The following PMEPA1 variants were observed in gnomAD, a reference collection of about 807,000 sequenced individuals.
PMEPA1 encodes prostate transmembrane protein, androgen induced 1.
A neutral mutation model predicts 23.0 loss-of-function variants in PMEPA1; 11 were observed. That is an observed-to-expected ratio of 0.48 (90% CI 0.30 to 0.79). The LOEUF (loss-of-function observed/expected upper bound fraction) is 0.79. PMEPA1 is among the 30% of genes least tolerant of loss of function. The pLI, the probability that PMEPA1 is intolerant of heterozygous loss-of-function variation, is 0.06. For synonymous variants in PMEPA1, 204 were observed against 166.4 expected, an observed-to-expected ratio of 1.23 and a Z score of -1.74; for missense variants, 377 against 390.9, an observed-to-expected ratio of 0.96 and a Z score of 0.30.
chr20:57,684,240 T>A (rs1459757139), intron 1 of PMEPA1, among the ~76,000 whole-genome samples: 1 of 151,132 alleles, frequency 6.6e-6, no homozygotes, highest in African/African-American at 2.4e-5. Context: ...TTGCAGCAGG[T>A]CAATGGTAAT....
chr20:57,663,182 C>G (rs143575105), intron 1 of PMEPA1, among the ~76,000 whole-genome samples: 12 of 152,322 alleles, frequency 7.9e-5, no homozygotes, highest in African/African-American at 2.9e-4. Context: ...GAGAAAAACT[C>G]TCTAGAAAAG....
chr20:57,649,533 C>T lies in PMEPA1; in HGVS notation c.*2520G>A, dbSNP rs1020022268. The T allele has an allele frequency of 1.3e-5, 2 of 152,258 alleles. No homozygotes were observed. Among genetic ancestry groups the T allele is most frequent in the Admixed American group, 1.3e-4 (2 of 15,286 alleles). The allele number at this position is 152,258 out of a possible 1,614,324, so 9.4% of individuals were successfully genotyped here. On this transcript the variant is annotated 3_prime_UTR_variant, in exon 4 of 4. Transcript: ENST00000341744. ...TCACGCAAAGCCATTCCCACAAATC[C>T]AGACCATACCATGAAGCAACGAGAC...
rs2071330602 is a variant in PMEPA1, at chr20:57,656,636, C to A, written c.264+2907G>T. Among the ~76,000 whole-genome samples, 1 of 152,180 alleles carries A rather than the reference C, an allele frequency of 6.6e-6. No homozygotes were observed. Among genetic ancestry groups the A allele is most frequent in the Admixed American group, 6.5e-5 (1 of 15,294 alleles). ...GGCTTGCCTGCACTGGAGCCTCACC[C>A]TCAGAGGGCAGATCCTTGCCCAGTG... is the stretch of plus-strand genomic sequence containing the variant. On this transcript the variant is annotated intron_variant, in intron 2 of 3. Transcript: ENST00000341744. The surrounding 1 kb of genome is among the most constrained non-coding windows in gnomAD (Gnocchi z 4.7).
At chr20:57,691,571 T>C (rs2071882471) in intron 1 of PMEPA1, among the ~76,000 whole-genome samples, 1 of 152,126 alleles carries the variant, frequency 6.6e-6, no homozygotes, top group South Asian at 2.1e-4. Flanking sequence ...CAAAACTCCT[T>C]TCCTGCTTCC....
rs2071269897 is a variant in PMEPA1, at chr20:57,652,792, C to T, written c.319-194G>A. Reference sequence around the variant, plus strand: ...TGGCCTGGGGGGCAGCACTGCAGAGCTGCACCGCCCTCCTCCAAACAGTGG... The same window carrying T: ...TGGCCTGGGGGGCAGCACTGCAGAGTTGCACCGCCCTCCTCCAAACAGTGG... On this transcript the variant is annotated intron_variant, in intron 3 of 3. Coordinates refer to ENST00000341744, the MANE Select transcript of PMEPA1 (RefSeq NM_020182.5). This position sits in a 1 kb window ranked among gnomAD's most constrained non-coding sequence, Gnocchi z 6.1. 6.6e-6 allele frequency among the ~76,000 whole-genome samples: 1 copy of T among 152,166 alleles called. No homozygotes were observed. The highest frequency in any genetic ancestry group is 1.5e-5 in the Non-Finnish European group (1 of 68,014).
chr20:57,679,895 G>C (rs1038464597), intron 1 of PMEPA1, among the ~76,000 whole-genome samples: 1 of 152,242 alleles, frequency 6.6e-6, no homozygotes, highest in African/African-American at 2.4e-5. Flanking sequence ...GGGCCAGAGA[G>C]GGGGAGGGAG....
At chr20:57,694,138 A>G (rs886671272) in intron 1 of PMEPA1, among the ~76,000 whole-genome samples, 1 of 152,158 alleles carries the variant, frequency 6.6e-6, no homozygotes, top group African/African-American at 2.4e-5. Flanking sequence ...ACCTTCAAAT[A>G]GCTGGGTGAC....
chr20:57,662,776 T>C (rs577057428), intron 1 of PMEPA1, among the ~76,000 whole-genome samples: 1 of 150,640 alleles, frequency 6.6e-6, no homozygotes, highest in African/African-American at 2.4e-5. Flanking sequence ...AGTTCCCCCT[T>C]CCCCAGCTGT....
intron 1 of PMEPA1, among the ~76,000 whole-genome samples, chr20:57,679,250 T>C (rs751628528): frequency 1.4e-4 from 21 of 152,198 alleles, no homozygotes; most frequent in Non-Finnish European, 2.4e-4. Flanking sequence ...GCAAATGCCC[T>C]GAGGTAGGAA....
intron 2 of PMEPA1, among the ~76,000 whole-genome samples, chr20:57,659,150 A>G (rs774235803): frequency 6.7e-6 from 1 of 149,024 alleles, no homozygotes; most frequent in Non-Finnish European, 1.5e-5. Context: ...CATCTCCTGC[A>G]TGGCGCTATC....
At position 57,682,570 on chromosome 20, in the gene PMEPA1, C is replaced by T. The variant is rs906205791; in HGVS notation, c.110-22873G>A. On this transcript the variant is annotated intron_variant, in intron 1 of 3. Coordinates refer to ENST00000341744, the MANE Select transcript of PMEPA1 (RefSeq NM_020182.5). The surrounding 1 kb of genome is among the most constrained non-coding windows in gnomAD (Gnocchi z 4.4). ...CTACAGAGCAGGCTCCCGTGCCCAC[C>T]GCCCCACACCTGGAAGACGAAAGGA... Among the ~76,000 whole-genome samples the T allele has an allele frequency of 3.9e-5, 6 of 152,086 alleles. No individual in the cohort carries two copies. The highest frequency in any genetic ancestry group is 7.4e-5 in the Non-Finnish European group (5 of 68,010).
In PMEPA1 at chr20:57,704,643, C is replaced by T. The variant is rs1023880484; in HGVS notation, c.109+4831G>A. On this transcript the variant is annotated intron_variant, in intron 1 of 3. Coordinates refer to ENST00000341744, the MANE Select transcript of PMEPA1 (RefSeq NM_020182.5). The surrounding 1 kb of genome is among the most constrained non-coding windows in gnomAD (Gnocchi z 4.6). ...GATGCTAACACCTGAAGAGAGAAGGCCACACCGATCCTCAGGTTTGGACCC... is the reference window on the plus strand; with the variant it reads ...GATGCTAACACCTGAAGAGAGAAGGTCACACCGATCCTCAGGTTTGGACCC... 1.4e-4 allele frequency among the ~76,000 whole-genome samples: 22 copies of T among 152,186 alleles called. No individual in the cohort carries two copies. The highest frequency in any genetic ancestry group is 4.8e-4 in the African/African-American group (20 of 41,446).
chr20:57,681,776 C>G (rs1430651452), intron 1 of PMEPA1, among the ~76,000 whole-genome samples: 2 of 152,180 alleles, frequency 1.3e-5, no homozygotes, highest in East Asian at 1.9e-4. Flanking sequence ...AGTCCCCCCT[C>G]AAGGTGACAC....
chr20:57,667,386 G>A (rs913413483), intron 1 of PMEPA1, among the ~76,000 whole-genome samples: 4 of 152,128 alleles, frequency 2.6e-5, no homozygotes, highest in Non-Finnish European at 4.4e-5. Flanking sequence ...CCCAGCCCAC[G>A]GGGGCACTAG....
At chr20:57,667,817 C>A (rs557729004) in intron 1 of PMEPA1, among the ~76,000 whole-genome samples, 22 of 152,058 alleles carry the variant, frequency 1.4e-4, no homozygotes, top group Non-Finnish European at 2.2e-4. Context: ...CCCCTACCTA[C>A]CCCCACTACA....
intron 1 of PMEPA1, among the ~76,000 whole-genome samples, chr20:57,700,347 T>C (rs558469860): frequency 6.6e-6 from 1 of 152,388 alleles, no homozygotes; most frequent in South Asian, 2.1e-4. Context: ...GCCAAGATCG[T>C]GCAACTTTTA....
intron 1 of PMEPA1, among the ~76,000 whole-genome samples, chr20:57,689,717 C>T: frequency 6.6e-6 from 1 of 152,060 alleles, no homozygotes; most frequent in East Asian, 1.9e-4. Context: ...CAGGGGCCGC[C>T]CTGAATCTGC....
chr20:57,665,949 G>A (rs1386034491), intron 1 of PMEPA1, among the ~76,000 whole-genome samples: 1 of 152,218 alleles, frequency 6.6e-6, no homozygotes, highest in Admixed American at 6.5e-5. Flanking sequence ...AACACAAGCC[G>A]CTGGGAAGGA....
At position 57,653,044 on chromosome 20, in the gene PMEPA1, C is replaced by T. The variant is rs924182556; in HGVS notation, c.307G>A (p.Gly103Arg). ...WPSESTVSGN[G>R]IPEPQVYAPP... The stretch of plus-strand genomic sequence containing the variant: ...GAGGGAGGTCTCACCTCTGGGATTC[C>T]GTTGCCTGACACTGTGCTCTCCGAG... Residue 103 changes from glycine to arginine, a missense_variant, in exon 3 of 4, where the codon GGA becomes AGA. Gly to Arg is a moderately radical substitution (Grantham distance 125). Coordinates refer to ENST00000341744, the MANE Select transcript of PMEPA1 (RefSeq NM_020182.5). 1.9e-6 allele frequency: 3 copies of T among 1,595,944 alleles called. No homozygotes were observed. The highest frequency in any genetic ancestry group is 2.6e-6 in the Non-Finnish European group (3 of 1,171,220).
Sources: allele counts gnomAD v4.1 joint callset (sites outside exome capture counted in the v4.1 genomes callset), GRCh38; gene constraint gnomAD v4.1.1; non-coding constraint Gnocchi (gnomAD v3.1); transcripts MANE v1.5; gene names NCBI Gene and HGNC (gene_info 2026-07-23, HGNC 2026-07-21).